ITGB2: variants seen among roughly 807,000 people sequenced by gnomAD.
The protein encoded by ITGB2 is integrin beta-2.
In ITGB2, 56 loss-of-function variants were observed where a neutral mutation model predicts 86.8. That is an observed-to-expected ratio of 0.65 (90% CI 0.52 to 0.81). ITGB2 has a LOEUF of 0.81. ITGB2 is among the 30% of genes least tolerant of loss of function. The pLI is 0.00. For synonymous variants in ITGB2, 457 were observed against 450.4 expected, an observed-to-expected ratio of 1.01 and a Z score of -0.19; for missense variants, 948 against 1,061.2, an observed-to-expected ratio of 0.89 and a Z score of 1.48.
chr21:44,922,198 A>C (rs565293877), upstream of ITGB2, among the ~76,000 whole-genome samples: 3 of 152,300 alleles, frequency 2.0e-5, no homozygotes, highest in East Asian at 5.8e-4. Flanking sequence ...AAACGCCTAG[A>C]GGACTGGGTT....
In ITGB2 at chr21:44,886,190, G is replaced by C. The variant is rs1000761455; in HGVS notation, c.*178C>G. 1 of 661,290 alleles carries C rather than the reference G, an allele frequency of 1.5e-6. No individual in the cohort carries two copies. Among genetic ancestry groups the C allele is most frequent in the African/African-American group, 1.8e-5 (1 of 56,302 alleles). The allele number at this position is 661,290 out of a possible 1,614,324, so 41.0% of individuals were successfully genotyped here. On this transcript the variant is annotated 3_prime_UTR_variant, in exon 16 of 16. Coordinates refer to ENST00000652462, the MANE Select transcript of ITGB2 (RefSeq NM_000211.5). ...AGACTGTGCCAGTCAGAGTGGAGCT[G>C]TCCCCCCGACGAGCCCCCAGAAGCA...
intron 1 of ITGB2, among the ~76,000 whole-genome samples, chr21:44,912,326 C>T (rs2084146410): frequency 6.6e-6 from 1 of 152,170 alleles, no homozygotes; most frequent in Admixed American, 6.5e-5. Flanking sequence ...GCCCTGGCTC[C>T]CCTCCATCCC....
chr21:44,907,229 T>G (rs1248365658), intron 3 of ITGB2, 134 bp from the exon 4 acceptor site: 4 of 675,088 alleles, frequency 5.9e-6, no homozygotes, highest in Non-Finnish European at 9.9e-6. Context: ...GAAGTCCCTG[T>G]GGACAGAGAC....
chr21:44,890,129 G>C lies in ITGB2; in HGVS notation c.1506C>G (p.Asn502Lys), dbSNP rs748698620. The change falls in exon 12 of 16, where the codon AAC becomes AAG. Residue 502 changes from asparagine to lysine, a missense_variant. Coordinates refer to ENST00000652462, the MANE Select transcript of ITGB2 (RefSeq NM_000211.5). The stretch of plus-strand genomic sequence containing the variant: ...CCCCCAGCCCTGAGCAGATGATGGA[G>C]TTGTTGTCCTTCCGGCAGCTTCCTT... ...ELEGSCRKDN[N>K]SIICSGLGDC... 4 of 1,613,474 alleles carry C rather than the reference G, an allele frequency of 2.5e-6. No individual in the cohort carries two copies. The South Asian group carries it at 4.4e-5, about 18-fold the overall frequency.
At chr21:44,905,225 C>G (rs2146535434) in intron 4 of ITGB2, among the ~76,000 whole-genome samples, 1 of 152,158 alleles carries the variant, frequency 6.6e-6, no homozygotes, top group Admixed American at 6.5e-5. Flanking sequence ...GAGGACAGTC[C>G]CTTCCCAGAT....
At chr21:44,899,624 C>A (rs569605601) in intron 7 of ITGB2, among the ~76,000 whole-genome samples, 1 of 152,222 alleles carries the variant, frequency 6.6e-6, no homozygotes, top group Admixed American at 6.5e-5. Context: ...GCCCCCAGAG[C>A]CTACAACGTC....
At chr21:44,897,575 A>C (rs920841139) in intron 8 of ITGB2, among the ~76,000 whole-genome samples, 12 of 152,194 alleles carry the variant, frequency 7.9e-5, no homozygotes, top group Non-Finnish European at 1.5e-4. Flanking sequence ...CCCGCCGGGC[A>C]CCACTACCCC....
At chr21:44,901,922 C>T (rs140460656) in intron 5 of ITGB2, 189 bp from the exon 6 acceptor site, 78 of 640,796 alleles carry the variant, frequency 1.2e-4, no homozygotes, top group South Asian at 7.5e-4. Flanking sequence ...CGTATGTGGG[C>T]GTGTGTGTGA....
intron 4 of ITGB2, among the ~76,000 whole-genome samples, chr21:44,904,483 ACAC>A (rs1273995549): frequency 2.0e-5 from 3 of 151,672 alleles, no homozygotes; most frequent in Non-Finnish European, 4.4e-5. Flanking sequence ...CACAGCAAAC[ACAC>A]CACAAATATG....
intron 8 of ITGB2, among the ~76,000 whole-genome samples, chr21:44,897,509 G>T (rs2083887265): frequency 1.3e-5 from 2 of 152,190 alleles, no homozygotes; most frequent in Non-Finnish European, 2.9e-5. Flanking sequence ...GGGCCCTTTA[G>T]GGCGGCTGCT....
At chr21:44,917,218 G>C (rs572344820) in intron 1 of ITGB2, among the ~76,000 whole-genome samples, 2 of 152,148 alleles carry the variant, frequency 1.3e-5, no homozygotes, top group African/African-American at 2.4e-5. Context: ...TGGCGGTTTC[G>C]GTGCCTGCGC....
In ITGB2 at chr21:44,888,807, G is replaced by C. The variant is rs754028938; in HGVS notation, c.1966C>G (p.Pro656Ala). ...ACPGLQLSNN[P>A]VKGRTCKERD... ...TCCTTGCAGGTCCTGCCCTTCACGGGGTTGTTCGACAGCTGCAGGCCCGGA... is the reference window on the plus strand; with the variant it reads ...TCCTTGCAGGTCCTGCCCTTCACGGCGTTGTTCGACAGCTGCAGGCCCGGA... Residue 656 changes from proline (P) to alanine (A), a missense_variant, in exon 14 of 16, where the codon CCC becomes GCC. By Grantham distance (27) the Pro-to-Ala change is conservative. Coordinates refer to ENST00000652462, the MANE Select transcript of ITGB2 (RefSeq NM_000211.5). 3.7e-6 allele frequency: 6 copies of C among 1,611,694 alleles called. No individual in the cohort carries two copies. Among genetic ancestry groups the C allele is most frequent in the Non-Finnish European group, 5.1e-6 (6 of 1,179,990 alleles).
chr21:44,890,252 C>A, intron 11 of ITGB2, 30 bp from the exon 12 acceptor site: 1 of 1,612,210 alleles, frequency 6.2e-7, no homozygotes, highest in East Asian at 2.2e-5. Flanking sequence ...CAAGGTCAGG[C>A]TCCCCCCAGT....
chr21:44,916,729 T>A (rs557917040), intron 1 of ITGB2, among the ~76,000 whole-genome samples: 5 of 151,420 alleles, frequency 3.3e-5, no homozygotes, highest in Admixed American at 6.6e-5. Context: ...TTAGCTGGGC[T>A]TGGTGGCGGG....
At chr21:44,905,821 G>A (rs1002198171) in intron 4 of ITGB2, among the ~76,000 whole-genome samples, 4 of 151,770 alleles carry the variant, frequency 2.6e-5, no homozygotes, top group East Asian at 3.9e-4. Context: ...CCTCCCTCCC[G>A]GCTGCTGCTG....
chr21:44,903,260 G>T, intron 5 of ITGB2, 105 bp downstream of exon 5: 1 of 1,452,590 alleles, frequency 6.9e-7, no homozygotes, highest in Non-Finnish European at 9.6e-7. Flanking sequence ...GGGGCCCCCA[G>T]ATCTACCCTG....
intron 1 of ITGB2, chr21:44,911,212 A>T (rs1024163049): frequency 3.4e-6 from 1 of 291,066 alleles, no homozygotes; most frequent in African/African-American, 2.2e-5. Flanking sequence ...AGATGTATAC[A>T]CCCCTTACCC....
At chr21:44,917,475 C>A (rs2084228692) in intron 1 of ITGB2, among the ~76,000 whole-genome samples, 1 of 152,198 alleles carries the variant, frequency 6.6e-6, no homozygotes, top group Non-Finnish European at 1.5e-5. Context: ...ACGAATTATG[C>A]TGAAATTGCT....
intron 8 of ITGB2, among the ~76,000 whole-genome samples, 181 bp downstream of exon 8, chr21:44,898,886 C>T (rs529642595): frequency 2.1e-4 from 32 of 152,330 alleles, no homozygotes; most frequent in African/African-American, 7.0e-4. Context: ...GACACGCAGG[C>T]GTCCTGTCCC....
Sources: allele counts gnomAD v4.1 joint callset (sites outside exome capture counted in the v4.1 genomes callset), GRCh38; gene constraint gnomAD v4.1.1; transcripts MANE v1.5; gene names NCBI Gene and HGNC (gene_info 2026-07-23, HGNC 2026-07-21).